Variants in CFAP73 observed in about 807,000 individuals in gnomAD.
The protein encoded by CFAP73 is cilia- and flagella-associated protein 73.
CFAP73 carries 33 observed loss-of-function variants against 42.9 expected under a neutral mutation model. That is an observed-to-expected ratio of 0.77 (90% confidence interval 0.58 to 1.03). The LOEUF is 1.03. Among genes scored for constraint, CFAP73 ranks in the 50% least tolerant of loss-of-function variants. The pLI is 0.00. For synonymous variants in CFAP73, 162 were observed against 186.8 expected (o/e 0.87, Z 1.08); for missense variants, 392 against 411.9 (o/e 0.95, Z 0.42).
At chr12:113,150,056 CTG>C in intron 1 of CFAP73, 143 bp downstream of exon 1, 2 of 772,856 alleles carry the variant, frequency 2.6e-6, no homozygotes, top group Non-Finnish European at 4.3e-6. Flanking sequence ...GAGGAGGAAA[CTG>C]AGGATCAGAG....
Position 113,153,049 on chromosome 12 carries a change from A to G in CFAP73, c.268-159A>G, listed in dbSNP as rs1299198901. The G allele has an allele frequency of 9.7e-6, 9 of 923,746 alleles. No individual in the cohort carries two copies. The East Asian group carries it at 2.2e-4, about 22-fold the overall frequency. 57.2% of individuals were successfully genotyped at this position (923,746 alleles called of 1,614,324 possible). A position where few individuals can be genotyped will look rare whatever the true frequency, so the allele number is the denominator to read the frequency against. Reference sequence around the variant, plus strand: ...GCCTGAAGCAACCGATTAAAAAAAAAAAAAGCGGGCGGGGGAGTTGGGTGA... The same window carrying G: ...GCCTGAAGCAACCGATTAAAAAAAAGAAAAGCGGGCGGGGGAGTTGGGTGA... On this transcript the variant is annotated intron_variant, in intron 3 of 7. Transcript: ENST00000335621.
rs1365416852 is a variant in CFAP73 at position 113,159,084 on chromosome 12, G to T, written c.*395G>T. On this transcript the variant is annotated 3_prime_UTR_variant, in exon 8 of 8. Coordinates refer to ENST00000335621, the MANE Select transcript of CFAP73 (RefSeq NM_001144872.3). The stretch of plus-strand genomic sequence containing the variant: ...CCGGGCGGACTCGGCCTGCAGGGGT[G>T]CCTGGGGCGTGGGGCCGGGATGCAC... 1.9e-6 allele frequency: 3 copies of T among 1,605,426 alleles called. No homozygotes were observed. The highest frequency in any genetic ancestry group is 1.7e-5 in the Admixed American group (1 of 59,586).
Position 113,159,145 on chromosome 12 carries a change from G to C in CFAP73, c.*456G>C. On this transcript the variant is annotated 3_prime_UTR_variant, in exon 8 of 8. Coordinates refer to ENST00000335621, the MANE Select transcript of CFAP73 (RefSeq NM_001144872.3). ...AGGGATTCAGGGAGCTCAGCTGTTG[G>C]GATCACTCCCAAGATCCCCTCCTCC... is the stretch of plus-strand genomic sequence containing the variant. 6.5e-7 allele frequency: 1 copy of C among 1,547,058 alleles called. No individual in the cohort carries two copies. The highest frequency in any genetic ancestry group is 8.7e-7 in the Non-Finnish European group (1 of 1,147,656).
rs756347199 is a variant in CFAP73, at chr12:113,157,909, G to A, written c.*11+219G>A. ...GAGGAGGTGATGGGAAGGTCAAGGG[G>A]CTATGTGTGGGGCAACTGCCTCTAA... is the stretch of plus-strand genomic sequence containing the variant. On this transcript the variant is annotated intron_variant, in intron 7 of 7. Transcript: ENST00000335621. The A allele has an allele frequency of 2.4e-5, 14 of 574,086 alleles. No individual in the cohort carries two copies. In the East Asian group the frequency reaches 4.0e-4, roughly 16 times the overall value. The allele number at this position is 574,086 out of a possible 1,614,324, so 35.6% of individuals were successfully genotyped here.
chr12:113,158,943 C>T lies in CFAP73; in HGVS notation c.*254C>T. The stretch of plus-strand genomic sequence containing the variant: ...CCCGGCCGAAGGCGCCCTGCTGCAG[C>T]TCCTGGACGCGGCGGCGGTTGCGGG... On this transcript the variant is annotated 3_prime_UTR_variant, in exon 8 of 8. Coordinates refer to ENST00000335621, the MANE Select transcript of CFAP73 (RefSeq NM_001144872.3). The surrounding 1 kb of genome is among the most constrained non-coding windows in gnomAD (Gnocchi z 4.9). The T allele has an allele frequency of 6.2e-7, 1 of 1,611,540 alleles. No homozygotes were observed. The highest frequency in any genetic ancestry group is 8.5e-7 in the Non-Finnish European group (1 of 1,178,618).
intron 2 of CFAP73, 99 bp downstream of exon 2, chr12:113,152,122 T>C: frequency 1.3e-6 from 1 of 793,410 alleles, no homozygotes; most frequent in Non-Finnish European, 2.1e-6. Flanking sequence ...ATTTCACCAC[T>C]CCAAGCCTTG....
In CFAP73 at chr12:113,158,455, T is replaced by G; in HGVS notation, c.*12-246T>G. On this transcript the variant is annotated intron_variant, in intron 7 of 7. Coordinates refer to ENST00000335621, the MANE Select transcript of CFAP73 (RefSeq NM_001144872.3). The surrounding 1 kb of genome is among the most constrained non-coding windows in gnomAD (Gnocchi z 4.9). The stretch of plus-strand genomic sequence containing the variant: ...GGATTTTAGTACCTGGGTCTCTCCA[T>G]TCCAGTTCCCCAAGTAGACCGCACT... The G allele has an allele frequency of 6.2e-6, 1 of 161,012 alleles. No homozygotes were observed. Among genetic ancestry groups the G allele is most frequent in the African/African-American group, 2.4e-5 (1 of 41,856 alleles). The allele number at this position is 161,012 out of a possible 1,614,324, so 10.0% of individuals were successfully genotyped here.
In CFAP73 at chr12:113,157,643, C is replaced by T; in HGVS notation, c.891C>T (p.Gly297=). 6.4e-7 allele frequency: 1 copy of T among 1,551,664 alleles called. No individual in the cohort carries two copies. The highest frequency in any genetic ancestry group is 8.7e-7 in the Non-Finnish European group (1 of 1,146,998). The stretch of plus-strand genomic sequence containing the variant: ...AGGACCTCTCTGCCATGCTGGCCGG[C>T]CTGGGTCAGGCTGAGCCTGCAGCCC... ...FMQDLSAMLA[G]LGQAEPAAPA... Residue 297 remains glycine (G), a synonymous_variant, in exon 7 of 8, where the codon GGC becomes GGT. Transcript: ENST00000335621.
Position 113,154,300 on chromosome 12 carries a change from A to T in CFAP73, c.469-114A>T. The T allele has an allele frequency of 2.3e-6, 3 of 1,288,286 alleles. No individual in the cohort carries two copies. The highest frequency in any genetic ancestry group is 3.2e-6 in the Non-Finnish European group (3 of 930,048). The allele number at this position is 1,288,286 out of a possible 1,614,324, so 79.8% of individuals were successfully genotyped here. On this transcript the variant is annotated intron_variant, in intron 4 of 7. Transcript: ENST00000335621. This position sits in a 1 kb window ranked among gnomAD's most constrained non-coding sequence, Gnocchi z 4.7. The stretch of plus-strand genomic sequence containing the variant: ...CTCTAACAAATGGAGGTTGACATTT[A>T]AGTCACTTTCCAGAAAGATTATTCC...
chr12:113,152,931 A>C, intron 3 of CFAP73, 44 bp downstream of exon 3: 1 of 1,343,548 alleles, frequency 7.4e-7, no homozygotes, highest in Non-Finnish European at 1.0e-6. Context: ...TATGGGTAGC[A>C]GCCCACACTC....
chr12:113,150,568 A>G (rs1460822695), intron 1 of CFAP73, among the ~76,000 whole-genome samples: 1 of 148,938 alleles, frequency 6.7e-6, no homozygotes, highest in East Asian at 2.0e-4. Flanking sequence ...TCCCCTCCCC[A>G]CTCCATCAGT....
Position 113,149,910 on chromosome 12 carries a change from C to T in CFAP73, c.53C>T (p.Ser18Phe). ...YFRLALQEKL[S>F]TKLPEQAEDH... Reference sequence around the variant, plus strand: ...CGACTGGCTTTGCAAGAGAAACTGTCTACGTGAGTGGGACGTAGAGGGAGG... The same window carrying T: ...CGACTGGCTTTGCAAGAGAAACTGTTTACGTGAGTGGGACGTAGAGGGAGG... The change falls in exon 1 of 8, where the codon TCT becomes TTT. Residue 18 changes from serine to phenylalanine, a missense_variant. Transcript: ENST00000335621. 6.4e-7 allele frequency: 1 copy of T among 1,551,376 alleles called. No homozygotes were observed. The highest frequency in any genetic ancestry group is 8.7e-7 in the Non-Finnish European group (1 of 1,146,776).
In CFAP73 at chr12:113,151,793, C is replaced by CAAAA. The variant is rs377474143; in HGVS notation, c.57-110_57-107dup. ...CAAAGCAAGACCCAAAAACAAGTCT[C>CAAAA]AAAAAAAAAAAAAAAAAATTAAACA... On this transcript the variant is annotated intron_variant, in intron 1 of 7. Transcript: ENST00000335621. The CAAAA allele has an allele frequency of 6.3e-3, 2,854 of 455,414 alleles. 35 individuals are homozygous for CAAAA. Among genetic ancestry groups the CAAAA allele is most frequent in the African/African-American group, 0.056 (2,010 of 35,666 alleles). The allele number at this position is 455,414 out of a possible 1,614,324, so 28.2% of individuals were successfully genotyped here.
chr12:113,157,860 C>A (rs532989611), intron 7 of CFAP73, 170 bp downstream of exon 7: 18 of 614,348 alleles, frequency 2.9e-5, no homozygotes, highest in Non-Finnish European at 5.3e-5. Context: ...ACATAGCAAG[C>A]ACTCCATAAA....
chr12:113,152,057 TG>T (rs1458251312), intron 2 of CFAP73, 34 bp downstream of exon 2: 2 of 1,475,318 alleles, frequency 1.4e-6, no homozygotes, highest in Non-Finnish European at 1.9e-6. Context: ...GGTGGTGAGC[TG>T]GTGGATGGGA....
intron 1 of CFAP73, among the ~76,000 whole-genome samples, chr12:113,150,346 G>A (rs1952050981): frequency 6.6e-6 from 1 of 152,112 alleles, no homozygotes; most frequent in South Asian, 2.1e-4. Flanking sequence ...GGCTGGGAAA[G>A]CCTTGCTGAT....
At chr12:113,151,655 G>A (rs1339217439) in intron 1 of CFAP73, among the ~76,000 whole-genome samples, 1 of 152,074 alleles carries the variant, frequency 6.6e-6, no homozygotes, top group African/African-American at 2.4e-5. Context: ...AAAATTAGCC[G>A]GGTGTGGTGG....
At chr12:113,151,561 G>A (rs920404263) in intron 1 of CFAP73, among the ~76,000 whole-genome samples, 1 of 152,164 alleles carries the variant, frequency 6.6e-6, no homozygotes, top group African/African-American at 2.4e-5. Context: ...GGGAGGCTGA[G>A]GCAGGAGGAT....
At position 113,157,666 on chromosome 12, in the gene CFAP73, C is replaced by A; in HGVS notation, c.914C>A (p.Ala305Asp). ...LAGLGQAEPA[A>D]PAS ...GGCCTGGGTCAGGCTGAGCCTGCAG[C>A]CCCTGCCTCCTAGCCCTGACACAGG... The change falls in exon 7 of 8, where the codon GCC becomes GAC. Residue 305 changes from alanine to aspartate, a missense_variant. Coordinates refer to ENST00000335621, the MANE Select transcript of CFAP73 (RefSeq NM_001144872.3). 6.4e-7 allele frequency: 1 copy of A among 1,551,480 alleles called. No individual in the cohort carries two copies. The highest frequency in any genetic ancestry group is 8.7e-7 in the Non-Finnish European group (1 of 1,146,918).
Sources: allele counts gnomAD v4.1 joint callset (sites outside exome capture counted in the v4.1 genomes callset), GRCh38; gene constraint gnomAD v4.1.1; non-coding constraint Gnocchi (gnomAD v3.1); transcripts MANE v1.5; gene names NCBI Gene and HGNC (gene_info 2026-07-23, HGNC 2026-07-21).